Variants in SLC2A9 observed in about 807,000 individuals in gnomAD.
SLC2A9 encodes the protein solute carrier family 2 member 9.
A neutral mutation model predicts 50.6 loss-of-function variants in SLC2A9; 39 were observed. The observed-to-expected ratio is 0.77, with a 90% CI of 0.60 to 1.01. The LOEUF is 1.01. Ranked by LOEUF, SLC2A9 falls within the 50% of genes least tolerant of loss-of-function variation. The pLI, the probability that SLC2A9 is intolerant of heterozygous loss-of-function variation, is 0.00. For missense variants in SLC2A9, 686 were observed against 677.6 expected (o/e 1.01, Z -0.14); for synonymous variants, 324 against 276.9 (o/e 1.17, Z -1.69).
intron 3 of SLC2A9, among the ~76,000 whole-genome samples, chr4:9,805,943 T>G (rs1255127475): frequency 1.3e-5 from 2 of 152,184 alleles, no homozygotes; most frequent in African/African-American, 4.8e-5. Flanking sequence ...CAGGGCAGGT[T>G]AAGTAACCTG....
chr4:9,935,860 C>T (rs1042697297), intron 6 of SLC2A9, among the ~76,000 whole-genome samples: 2 of 152,184 alleles, frequency 1.3e-5, no homozygotes, highest in Non-Finnish European at 2.9e-5. Flanking sequence ...CTCTGTGGCT[C>T]ATAAAACATT....
intron 5 of SLC2A9, among the ~76,000 whole-genome samples, chr4:9,974,577 A>G (rs1299890749): frequency 6.6e-6 from 1 of 152,116 alleles, no homozygotes; most frequent in Admixed American, 6.5e-5. Context: ...AATAAAGAAA[A>G]CTACAAAACA....
intron 10 of SLC2A9, among the ~76,000 whole-genome samples, chr4:9,883,533 A>T (rs1366344920): frequency 6.6e-6 from 1 of 152,210 alleles, no homozygotes; most frequent in East Asian, 1.9e-4. Context: ...TGATGTATAT[A>T]AGGCAGCTGG....
chr4:9,880,352 G>A (rs1306895870), intron 10 of SLC2A9: 1 of 985,632 alleles, frequency 1.0e-6, no homozygotes, highest in Non-Finnish European at 1.2e-6. Flanking sequence ...GAAGCGGAGG[G>A]CAGGGGCTGA....
downstream of SLC2A9, among the ~76,000 whole-genome samples, chr4:9,796,264 C>A (rs534361600): frequency 6.6e-6 from 1 of 152,174 alleles, no homozygotes; most frequent in Non-Finnish European, 1.5e-5. Context: ...GGTTACTGAG[C>A]GCATTTGCCT....
intron 7 of SLC2A9, among the ~76,000 whole-genome samples, chr4:9,911,814 G>T (rs997968526): frequency 4.6e-5 from 7 of 152,206 alleles, no homozygotes; most frequent in African/African-American, 1.7e-4. Flanking sequence ...CAAATTGTAG[G>T]TATCATTCTA....
At chr4:9,803,022 G>T (rs935072150) in intron 3 of SLC2A9, among the ~76,000 whole-genome samples, 1 of 152,208 alleles carries the variant, frequency 6.6e-6, no homozygotes, top group Non-Finnish European at 1.5e-5. Flanking sequence ...ATAGATATAT[G>T]GTGTCAGAGG....
At chr4:9,795,747 C>A (rs1341733101), downstream of SLC2A9, among the ~76,000 whole-genome samples, 1 of 152,166 alleles carries the variant, frequency 6.6e-6, no homozygotes, top group African/African-American at 2.4e-5. Context: ...GGACGCATTG[C>A]CTTGGTCAGG....
At chr4:9,976,738 C>A (rs1051998947) in intron 5 of SLC2A9, among the ~76,000 whole-genome samples, 2 of 152,212 alleles carry the variant, frequency 1.3e-5, no homozygotes, top group African/African-American at 4.8e-5. Flanking sequence ...CCTTGGCTGG[C>A]ATCATGTTCA....
rs142442632 is a variant in SLC2A9 at position 10,013,729 on chromosome 4, G to C, written c.249+5246C>G. Among the ~76,000 whole-genome samples the C allele has an allele frequency of 3.9e-5, 6 of 152,256 alleles. No homozygotes were observed. The East Asian group carries it at 1.2e-3, about 29-fold the overall frequency. ...GAGGCTGGGTGGCAGCAGGGCCAAC[G>C]GCAGCTACTGCATGGATTGTTCTAA... On this transcript the variant is annotated intron_variant, in intron 2 of 11. Coordinates refer to ENST00000264784, the MANE Select transcript of SLC2A9 (RefSeq NM_020041.3).
intron 7 of SLC2A9, among the ~76,000 whole-genome samples, chr4:9,915,049 T>C (rs1462530925): frequency 6.6e-6 from 1 of 152,218 alleles, no homozygotes; most frequent in Non-Finnish European, 1.5e-5. Context: ...CTTTCTGGCC[T>C]GGTCTTCTTT....
intron 4 of SLC2A9, among the ~76,000 whole-genome samples, chr4:9,984,147 G>A (rs1384719964): frequency 6.6e-6 from 1 of 152,186 alleles, no homozygotes; most frequent in Non-Finnish European, 1.5e-5. Context: ...ACAAATGATT[G>A]AGGAGTCATT....
downstream of SLC2A9, among the ~76,000 whole-genome samples, chr4:9,795,633 G>A (rs1307176293): frequency 2.6e-5 from 4 of 152,116 alleles, no homozygotes; most frequent in Non-Finnish European, 4.4e-5. Context: ...CTGGGCTGGA[G>A]GGCCATTAAG....
chr4:9,971,355 G>GT lies in SLC2A9; in HGVS notation c.681+9236dup, dbSNP rs1753886151. ...ACTTTGTATTTTTCTTTTAAACCTT[G>GT]TACCTATTACTTGTTAAATTTCTAC... On this transcript the variant is annotated intron_variant, in intron 5 of 11. Transcript: ENST00000264784. 2.0e-5 allele frequency among the ~76,000 whole-genome samples: 3 copies of GT among 152,138 alleles called. No individual in the cohort carries two copies. The South Asian group carries it at 6.2e-4, about 32-fold the overall frequency.
intron 2 of SLC2A9, among the ~76,000 whole-genome samples, chr4:10,000,795 T>G (rs1387732693): frequency 1.3e-5 from 2 of 152,174 alleles, no homozygotes; most frequent in Non-Finnish European, 2.9e-5. Flanking sequence ...CCTGTACCTC[T>G]GCCCCTGAAT....
chr4:9,876,542 G>C (rs1344874328), intron 10 of SLC2A9, among the ~76,000 whole-genome samples: 4 of 152,178 alleles, frequency 2.6e-5, no homozygotes, highest in African/African-American at 9.7e-5. Context: ...AGTGAGTCAT[G>C]ATCACACCAC....
chr4:9,782,163 G>A, intron 3 of SLC2A9: 1 of 1,591,214 alleles, frequency 6.3e-7, no homozygotes, highest in Non-Finnish European at 8.6e-7. Flanking sequence ...GTCACCGCCT[G>A]CCTGCTGACC....
intron 11 of SLC2A9, among the ~76,000 whole-genome samples, chr4:9,830,704 T>C (rs1048256000): frequency 6.6e-6 from 1 of 152,226 alleles, no homozygotes; most frequent in Middle Eastern, 3.2e-3. Context: ...GAGGCATACA[T>C]TTGCATGCAA....
chr4:10,039,612 T>C (rs1448697729), intron 1 of SLC2A9, among the ~76,000 whole-genome samples: 1 of 152,186 alleles, frequency 6.6e-6, no homozygotes. Context: ...GGGGGTTCTA[T>C]CTCTGAAGAT....
Sources: gnomAD v4.1 joint callset for allele counts (sites outside exome capture counted in the v4.1 genomes callset) on GRCh38, gnomAD v4.1.1 for gene constraint, MANE v1.5 for transcripts, NCBI Gene and HGNC (gene_info 2026-07-23, HGNC 2026-07-21) for gene names.